The following PUS7L variants were observed in gnomAD, a reference collection of about 807,000 sequenced individuals.
PUS7L encodes pseudouridylate synthase PUS7L.
PUS7L carries 49 observed loss-of-function variants against 51.1 expected under a neutral mutation model. The observed-to-expected ratio is 0.96, with a 90% confidence interval of 0.76 to 1.22. The LOEUF is 1.22. PUS7L is among the 50% of genes most tolerant of loss of function. The pLI is 0.00. For synonymous variants in PUS7L, 277 were observed against 276.2 expected, an observed-to-expected ratio of 1.00 and a Z score of -0.03; for missense variants, 828 against 820.6, an observed-to-expected ratio of 1.01 and a Z score of -0.11.
At chr12:43,732,616 TACATGAAAGC>T (rs1235820345) in intron 7 of PUS7L, among the ~76,000 whole-genome samples, 4 of 152,184 alleles carry the variant, frequency 2.6e-5, no homozygotes, top group Admixed American at 6.5e-5. Context: ...CTTTCTCTTA[TACATGAAAGC>T]TCAAACAGAA....
rs1944400066 is a variant in PUS7L, at chr12:43,721,786, T to C, written c.*8590A>G. ...AGGTGTATAACATGGGAACATTTGC[T>C]ATTAGGCTGAGCATCTCTAATCTGA... On this transcript the variant is annotated 3_prime_UTR_variant, in exon 9 of 9. Transcript: ENST00000344862. The C allele has an allele frequency of 6.6e-6, 1 of 152,186 alleles. No homozygotes were observed. The highest frequency in any genetic ancestry group is 1.5e-5 in the Non-Finnish European group (1 of 68,012). The allele number at this position is 152,186 out of a possible 1,614,324, so 9.4% of individuals were successfully genotyped here. A position where few individuals can be genotyped will look rare whatever the true frequency, so the allele number is the denominator to read the frequency against.
At chr12:43,736,099 T>C (rs73280411) in intron 7 of PUS7L, among the ~76,000 whole-genome samples, 2,381 of 152,238 alleles carry the variant, frequency 0.016, 70 homozygotes, top group African/African-American at 0.053. Context: ...ATGGGCTGTT[T>C]TGTGCATTAT....
At chr12:43,742,263 TCA>T (rs1335454517) in intron 5 of PUS7L, among the ~76,000 whole-genome samples, 192 bp downstream of exon 5, 1 of 152,208 alleles carries the variant, frequency 6.6e-6, no homozygotes, top group African/African-American at 2.4e-5. Flanking sequence ...ACAAGGACAC[TCA>T]CACTGTTGGC....
At chr12:43,758,066 G>A (rs1938913867) in intron 1 of PUS7L, among the ~76,000 whole-genome samples, 1 of 152,184 alleles carries the variant, frequency 6.6e-6, no homozygotes, top group South Asian at 2.1e-4. Context: ...TGATTCTGAT[G>A]GAAATGAGCA....
chr12:43,741,619 A>G (rs1937901963), intron 5 of PUS7L, among the ~76,000 whole-genome samples: 1 of 152,226 alleles, frequency 6.6e-6, no homozygotes, highest in Non-Finnish European at 1.5e-5. Context: ...TGAGGTAAAC[A>G]TTTCTAGACT....
chr12:43,758,018 G>A (rs537575516), intron 1 of PUS7L, among the ~76,000 whole-genome samples: 1 of 152,294 alleles, frequency 6.6e-6, no homozygotes, highest in South Asian at 2.1e-4. Flanking sequence ...GAGTAGAAAA[G>A]TGACACAATT....
At chr12:43,755,372 G>A in intron 1 of PUS7L, 111 bp from the exon 2 acceptor site, 1 of 646,094 alleles carries the variant, frequency 1.5e-6, no homozygotes, top group Non-Finnish European at 2.6e-6. Flanking sequence ...TTAATTCTGA[G>A]TCTTCTTAAA....
Position 43,729,045 on chromosome 12 carries a change from A to G in PUS7L, c.*1331T>C, listed in dbSNP as rs1944493890. On this transcript the variant is annotated 3_prime_UTR_variant, in exon 9 of 9. Coordinates refer to ENST00000344862, the MANE Select transcript of PUS7L (RefSeq NM_031292.5). ...TTCAGAGTATTATTGCAGTTGTAAC[A>G]TATGTGTTCTACTTTTAGGGGGCAA... 2.6e-6 allele frequency: 1 copy of G among 385,738 alleles called. No homozygotes were observed. The highest frequency in any genetic ancestry group is 3.6e-5 in the East Asian group (1 of 27,436). 23.9% of individuals were successfully genotyped at this position (385,738 alleles called of 1,614,324 possible).
At position 43,728,989 on chromosome 12, in the gene PUS7L, G is replaced by T. The variant is rs1245378575; in HGVS notation, c.*1387C>A. On this transcript the variant is annotated 3_prime_UTR_variant, in exon 9 of 9. Coordinates refer to ENST00000344862, the MANE Select transcript of PUS7L (RefSeq NM_031292.5). ...CAATATCTGTGCTTTTAATCACTAT[G>T]CTAACATGTCTCTTATTTGTGAAAG... 2.6e-5 allele frequency: 9 copies of T among 350,220 alleles called. No homozygotes were observed. The highest frequency in any genetic ancestry group is 4.6e-5 in the Non-Finnish European group (9 of 195,040). 21.7% of individuals were successfully genotyped at this position (350,220 alleles called of 1,614,324 possible).
intron 4 of PUS7L, 30 bp downstream of exon 4, chr12:43,746,016 T>G (rs1451646520): frequency 1.9e-6 from 2 of 1,027,258 alleles, no homozygotes; most frequent in East Asian, 2.5e-5. Flanking sequence ...AAGATTTCCC[T>G]GGATGCCTTT....
intron 2 of PUS7L, among the ~76,000 whole-genome samples, chr12:43,750,105 C>A (rs956904190): frequency 1.3e-5 from 2 of 152,164 alleles, no homozygotes; most frequent in African/African-American, 4.8e-5. Context: ...TCTATGCATT[C>A]TTGAAGGTCC....
intron 5 of PUS7L, chr12:43,739,528 G>A (rs1245081421): frequency 6.6e-6 from 1 of 152,262 alleles, no homozygotes; most frequent in Non-Finnish European, 1.5e-5. Flanking sequence ...CTGCCTCCCG[G>A]GTTCAACCTA....
intron 2 of PUS7L, among the ~76,000 whole-genome samples, chr12:43,752,115 T>C (rs1371918700): frequency 1.3e-5 from 2 of 152,180 alleles, no homozygotes; most frequent in Non-Finnish European, 2.9e-5. Flanking sequence ...GTCAGATGAG[T>C]AGATTGCAAA....
chr12:43,754,671 T>G lies in PUS7L; in HGVS notation c.575A>C (p.Asn192Thr). 6.2e-7 allele frequency: 1 copy of G among 1,613,816 alleles called. No individual in the cohort carries two copies. ...KFPFLVTVGKNSEIVVKPNLE... is the reference protein window; with the variant it reads ...KFPFLVTVGKTSEIVVKPNLE... ...ATTTGGTTTTACAACAATTTCACTG[T>G]TTTTTCCTACAGTTACTAAAAATGG... The change falls in exon 2 of 9, where the codon AAC (asparagine) becomes ACC (threonine). Residue 192 changes from asparagine (N) to threonine (T), a missense_variant. Physicochemically the swap from Asn to Thr is moderately conservative, Grantham distance 65. Transcript: ENST00000344862.
At chr12:43,753,880 C>A (rs1485327625) in intron 2 of PUS7L, among the ~76,000 whole-genome samples, 2 of 152,236 alleles carry the variant, frequency 1.3e-5, no homozygotes, top group East Asian at 1.9e-4. Flanking sequence ...AGGTTCCCTA[C>A]CTTGGGTAGG....
At position 43,736,646 on chromosome 12, in the gene PUS7L, GTGCC is replaced by G; in HGVS notation, c.1456_1459del (p.Gly486HisfsTer4). ...TTTGAATTCAGGCATCAATGAAAGT[GTGCC>G]TTTAGCATCCTCTGAAACAAAGGGT... On this transcript the variant is annotated frameshift_variant, in exon 7 of 9. Coordinates refer to ENST00000344862, the MANE Select transcript of PUS7L (RefSeq NM_031292.5). LOFTEE classifies it high-confidence loss of function. 6.2e-7 allele frequency: 1 copy of G among 1,613,666 alleles called. No individual in the cohort carries two copies. Among genetic ancestry groups the G allele is most frequent in the Non-Finnish European group, 8.5e-7 (1 of 1,179,672 alleles).
In PUS7L at chr12:43,722,716, CT is replaced by C. The variant is rs1464539489; in HGVS notation, c.*7659del. ...CCCTTTTTAGAAAAGAACACTAGTC[CT>C]TTATGTTCCCCTGCCACAGGGGAGG... On this transcript the variant is annotated 3_prime_UTR_variant, in exon 9 of 9. Coordinates refer to ENST00000344862, the MANE Select transcript of PUS7L (RefSeq NM_031292.5). 1.3e-5 allele frequency: 2 copies of C among 151,926 alleles called. No individual in the cohort carries two copies. Among genetic ancestry groups the C allele is most frequent in the African/African-American group, 4.8e-5 (2 of 41,398 alleles). The allele number at this position is 151,926 out of a possible 1,614,324, so 9.4% of individuals were successfully genotyped here.
chr12:43,749,584 T>A (rs1434926701), intron 2 of PUS7L, among the ~76,000 whole-genome samples: 1 of 152,046 alleles, frequency 6.6e-6, no homozygotes, highest in Admixed American at 6.6e-5. Context: ...GTGGGACGAC[T>A]GCTTGATCCT....
In PUS7L at chr12:43,755,158, A is replaced by G. The variant is rs759382785; in HGVS notation, c.88T>C (p.Ser30Pro). 6.2e-7 allele frequency: 1 copy of G among 1,612,824 alleles called. No individual in the cohort carries two copies. Among genetic ancestry groups the G allele is most frequent in the Non-Finnish European group, 8.5e-7 (1 of 1,179,162 alleles). Residue 30 changes from serine to proline, a missense_variant, in exon 2 of 9, where the codon TCA (serine) becomes CCA (proline). Coordinates refer to ENST00000344862, the MANE Select transcript of PUS7L (RefSeq NM_031292.5). The stretch of plus-strand genomic sequence containing the variant: ...TCAATAACAATAAAGTCACTTGGTG[A>G]GCTTTTTATAGTGCCATGAAATCCA... ...HVGFHGTIKS[S>P]PSDFIVIEID...
Sources: allele counts gnomAD v4.1 joint callset (sites outside exome capture counted in the v4.1 genomes callset), GRCh38; gene constraint gnomAD v4.1.1; transcripts MANE v1.5; gene names NCBI Gene and HGNC (gene_info 2026-07-23, HGNC 2026-07-21).